The following FRMD5 variants were observed in gnomAD, a reference collection of about 807,000 sequenced individuals.
The protein encoded by FRMD5 is FERM domain-containing protein 5.
Under a neutral mutation model 69.0 loss-of-function variants are expected in FRMD5, and 20 were observed. That is an observed-to-expected ratio of 0.29 (90% CI 0.20 to 0.42). The LOEUF (loss-of-function observed/expected upper bound fraction) is 0.42, where lower values mean the gene tolerates loss of function less well. Ranked by LOEUF, FRMD5 falls within the 10% of genes least tolerant of loss-of-function variation. FRMD5 has a pLI of 1.00. For synonymous variants in FRMD5, 271 were observed against 260.1 expected (o/e 1.04, Z -0.40); for missense variants, 595 against 708.6 (o/e 0.84, Z 1.82).
chr15:44,183,598 T>C (rs746252804), intron 1 of FRMD5, among the ~76,000 whole-genome samples: 1 of 152,160 alleles, frequency 6.6e-6, no homozygotes, highest in Non-Finnish European at 1.5e-5. Flanking sequence ...GATTGTTGAA[T>C]ATTTTAAATG....
intron 1 of FRMD5, among the ~76,000 whole-genome samples, chr15:43,944,758 G>A (rs2089916653): frequency 2.0e-5 from 3 of 152,010 alleles, no homozygotes; most frequent in South Asian, 4.1e-4. Context: ...TGGGTTCCTT[G>A]GAGTCTGTCC....
chr15:44,125,259 G>C (rs1248422831), intron 1 of FRMD5, among the ~76,000 whole-genome samples: 1 of 151,624 alleles, frequency 6.6e-6, no homozygotes, highest in African/African-American at 2.4e-5. Flanking sequence ...CTAGGATCAT[G>C]CCACTGCACT....
chr15:43,934,714 G>C (rs1172406100), intron 1 of FRMD5, among the ~76,000 whole-genome samples: 1 of 152,142 alleles, frequency 6.6e-6, no homozygotes, highest in Non-Finnish European at 1.5e-5. Context: ...TCTAATGCCC[G>C]CCTCCAGCCT....
intron 2 of FRMD5, among the ~76,000 whole-genome samples, chr15:43,922,889 T>A (rs1221850803): frequency 2.0e-5 from 3 of 152,148 alleles, no homozygotes; most frequent in Non-Finnish European, 4.4e-5. Context: ...AGGCTGGTCA[T>A]GAACTCCTGG....
At chr15:43,993,307 C>T (rs1261164359) in intron 1 of FRMD5, among the ~76,000 whole-genome samples, 1 of 152,160 alleles carries the variant, frequency 6.6e-6, no homozygotes, top group Non-Finnish European at 1.5e-5. Context: ...ATTCTCCTGC[C>T]TCAGCCTCCC....
chr15:43,927,485 T>A (rs1392282851), intron 1 of FRMD5, among the ~76,000 whole-genome samples: 1 of 152,216 alleles, frequency 6.6e-6, no homozygotes, highest in East Asian at 1.9e-4. Context: ...GAACTTTCTT[T>A]GTGCAGGGCC....
intron 1 of FRMD5, among the ~76,000 whole-genome samples, chr15:44,006,892 G>A (rs531521723): frequency 6.6e-6 from 1 of 152,334 alleles, no homozygotes; most frequent in South Asian, 2.1e-4. Flanking sequence ...AGTTGATAAA[G>A]CAGTGGCAGG....
intron 1 of FRMD5, among the ~76,000 whole-genome samples, chr15:43,962,460 C>T (rs930828677): frequency 5.9e-5 from 9 of 152,150 alleles, no homozygotes; most frequent in Admixed American, 1.3e-4. Context: ...GAATCAGTAT[C>T]GTGAAAATGG....
intron 1 of FRMD5, among the ~76,000 whole-genome samples, chr15:44,031,336 C>G (rs988686811): frequency 6.6e-6 from 1 of 152,266 alleles, no homozygotes. Flanking sequence ...TAATGTTTGT[C>G]TTAGTCCATT....
At chr15:43,879,368 G>C (rs1319862301) in intron 13 of FRMD5, 1 of 397,084 alleles carries the variant, frequency 2.5e-6, no homozygotes, top group Non-Finnish European at 4.4e-6. Context: ...ATTAGAAACT[G>C]TTTTCACTGC....
At chr15:44,188,724 T>A (rs558156369) in intron 1 of FRMD5, among the ~76,000 whole-genome samples, 1 of 152,210 alleles carries the variant, frequency 6.6e-6, no homozygotes, top group South Asian at 2.1e-4. Flanking sequence ...GGCCCCTGAA[T>A]TGTGACATAG....
chr15:44,007,630 TTAAC>T (rs1402263154), intron 1 of FRMD5, among the ~76,000 whole-genome samples: 1 of 143,950 alleles, frequency 6.9e-6, no homozygotes, highest in Non-Finnish European at 1.5e-5. Flanking sequence ...TTTTAATTAA[TTAAC>T]TAATTTTTTT....
At chr15:43,990,950 T>A (rs1889645597) in intron 1 of FRMD5, among the ~76,000 whole-genome samples, 1 of 152,172 alleles carries the variant, frequency 6.6e-6, no homozygotes. Flanking sequence ...CATGATGGAT[T>A]TGGGTTAACT....
chr15:43,999,591 C>A (rs1038224720), intron 1 of FRMD5, among the ~76,000 whole-genome samples: 8 of 152,092 alleles, frequency 5.3e-5, no homozygotes, highest in African/African-American at 1.9e-4. Context: ...CTTCCCATTT[C>A]CCTACCCCCA....
At chr15:44,194,481 G>A (rs2078250061) in intron 1 of FRMD5, 2 of 216,568 alleles carry the variant, frequency 9.2e-6, no homozygotes, top group South Asian at 5.7e-5. Flanking sequence ...AATGGTGGGG[G>A]GAGGAATTAT....
At chr15:43,876,303 G>C in intron 13 of FRMD5, 3 of 1,164,734 alleles carry the variant, frequency 2.6e-6, no homozygotes, top group Non-Finnish European at 3.8e-6. Context: ...CAGTTTGAAA[G>C]AATCTGAATT....
intron 8 of FRMD5, among the ~76,000 whole-genome samples, chr15:43,889,229 G>A (rs1294183286): frequency 2.0e-5 from 3 of 152,202 alleles, no homozygotes; most frequent in Non-Finnish European, 2.9e-5. Context: ...GGATGGGACT[G>A]TCAAACGTAA....
intron 1 of FRMD5, among the ~76,000 whole-genome samples, chr15:43,991,220 A>T (rs1201337571): frequency 6.6e-6 from 1 of 152,176 alleles, no homozygotes; most frequent in African/African-American, 2.4e-5. Flanking sequence ...ACTGTACTTA[A>T]ATTGTTCTTT....
chr15:43,893,132 A>C (rs533217047), intron 7 of FRMD5, among the ~76,000 whole-genome samples: 419 of 143,574 alleles, frequency 2.9e-3, no homozygotes, highest in Middle Eastern at 0.023. Context: ...AAAAAACAAA[A>C]AAAAAAAAAA....
Sources: gnomAD v4.1 joint callset for allele counts (sites outside exome capture counted in the v4.1 genomes callset) on GRCh38, gnomAD v4.1.1 for gene constraint, MANE v1.5 for transcripts, NCBI Gene and HGNC (gene_info 2026-07-23, HGNC 2026-07-21) for gene names.